Variants in SPANXN2 observed in about 807,000 individuals in gnomAD.
SPANXN2 encodes the protein sperm protein associated with the nucleus on the X chromosome N2.
In SPANXN2, 1 loss-of-function variant was observed where a neutral mutation model predicts 2.0. The observed-to-expected ratio is 0.50, with a 90% confidence interval of 0.18 to 2.36. The LOEUF (loss-of-function observed/expected upper bound fraction) is 2.36. Ranked by LOEUF, SPANXN2 falls within the 30% of genes most tolerant of loss-of-function variation. The pLI is 0.26. For synonymous variants in SPANXN2, 43 were observed against 49.8 expected (o/e 0.86, Z 0.58); for missense variants, 88 against 116.7 (o/e 0.75, Z 1.13).
rs141061006 is a variant in SPANXN2, at chrX:143,712,811, G to A, written c.79-312C>T. Among the ~76,000 whole-genome samples, 513 of 111,670 alleles carry A rather than the reference G, an allele frequency of 4.6e-3. 3 individuals are homozygous for A. The highest frequency in any genetic ancestry group is 7.7e-3 in the Non-Finnish European group (409 of 53,065). On this transcript the variant is annotated intron_variant, in intron 1 of 1. Transcript: ENST00000598475. ...CTGCCTAACCACCTGACCACAGGGC[G>A]GACAAAGGCCCAACTAAAGAAACAT...
chrX:143,720,367 A>G (rs191177772), intron 1 of SPANXN2, among the ~76,000 whole-genome samples: 1,954 of 98,101 alleles, frequency 0.02, 83 homozygotes, highest in African/African-American at 0.07. Flanking sequence ...CTGATCATAA[A>G]AACATCTTAT....
intron 1 of SPANXN2, among the ~76,000 whole-genome samples, chrX:143,719,592 G>A (rs1216494487): frequency 8.9e-6 from 1 of 112,235 alleles, no homozygotes; most frequent in Non-Finnish European, 1.9e-5. Context: ...CACCCCTAGT[G>A]TCTTCTTCCT....
intron 1 of SPANXN2, among the ~76,000 whole-genome samples, chrX:143,714,115 G>A (rs782358193): frequency 1.6e-4 from 17 of 107,036 alleles, no homozygotes; most frequent in South Asian, 8.4e-4. Flanking sequence ...CCTTACTGTC[G>A]CCCTCCATCC....
At chrX:143,712,932 C>T (rs183035662) in intron 1 of SPANXN2, among the ~76,000 whole-genome samples, 2 of 111,799 alleles carry the variant, frequency 1.8e-5, no homozygotes, top group Non-Finnish European at 3.8e-5. Flanking sequence ...AACATCTTAT[C>T]AATATCCTGC....
chrX:143,711,978 T>C lies in SPANXN2; in HGVS notation c.*57A>G. 13 of 1,207,702 alleles carry C rather than the reference T, an allele frequency of 1.1e-5. No homozygotes were observed. In the South Asian group the frequency reaches 1.9e-4, roughly 18 times the overall value. Reference sequence around the variant, plus strand: ...CATCAGCTCCTCAAACTTGATTTTATTGTAATCATCGCCATTGGTAGTGAG... The same window carrying C: ...CATCAGCTCCTCAAACTTGATTTTACTGTAATCATCGCCATTGGTAGTGAG... On this transcript the variant is annotated 3_prime_UTR_variant, in exon 2 of 2. Transcript: ENST00000598475.
chrX:143,717,491 C>A (rs1268654316), intron 1 of SPANXN2, among the ~76,000 whole-genome samples: 2 of 111,373 alleles, frequency 1.8e-5, no homozygotes, highest in East Asian at 5.7e-4. Flanking sequence ...TTTTTCCCAG[C>A]ATACACCCTG....
intron 1 of SPANXN2, among the ~76,000 whole-genome samples, chrX:143,717,590 C>T (rs1479757925): frequency 8.9e-6 from 1 of 112,212 alleles, no homozygotes; most frequent in Non-Finnish European, 1.9e-5. Flanking sequence ...GTGTCTTGCC[C>T]AAGTTTAAAA....
intron 1 of SPANXN2, among the ~76,000 whole-genome samples, chrX:143,718,506 G>A (rs1932308246): frequency 9.0e-6 from 1 of 111,522 alleles, no homozygotes; most frequent in South Asian, 3.8e-4. Context: ...CAGCGCCAAA[G>A]CTAACATCCT....
intron 1 of SPANXN2, among the ~76,000 whole-genome samples, chrX:143,720,355 G>A (rs782766944): frequency 0.02 from 2,041 of 99,992 alleles, 83 homozygotes; most frequent in African/African-American, 0.072. Flanking sequence ...GGACCAAACA[G>A]CCTGATCATA....
intron 1 of SPANXN2, among the ~76,000 whole-genome samples, chrX:143,718,622 GT>G (rs1932310199): frequency 8.9e-6 from 1 of 111,870 alleles, no homozygotes; most frequent in Admixed American, 9.4e-5. Context: ...CAACCTCACT[GT>G]ACTTAACAAG....
At chrX:143,712,028 T>C in exon 2 of SPANXN2, 1 of 1,212,398 alleles carries the variant, frequency 8.2e-7, no homozygotes, top group Non-Finnish European at 1.1e-6. Context: ...GGTTTCTCCA[T>C]GTTTGACTAG....
At chrX:143,716,568 G>T (rs1250310810) in intron 1 of SPANXN2, among the ~76,000 whole-genome samples, 40 of 111,900 alleles carry the variant, frequency 3.6e-4, no homozygotes, top group Non-Finnish European at 5.6e-4. Context: ...CACCAAGCCT[G>T]TTACTTTCTA....
chrX:143,715,926 C>A (rs1932254262), intron 1 of SPANXN2, among the ~76,000 whole-genome samples: 1 of 111,607 alleles, frequency 9.0e-6, no homozygotes, highest in Non-Finnish European at 1.9e-5. Context: ...TCACTATTCC[C>A]TTAAATCTGG....
At chrX:143,717,882 T>TA (rs1932295186) in intron 1 of SPANXN2, among the ~76,000 whole-genome samples, 1 of 111,679 alleles carries the variant, frequency 9.0e-6, no homozygotes, top group East Asian at 2.8e-4. Context: ...CAATAGTAGA[T>TA]ACATTCTCTG....
Position 143,712,837 on chromosome X carries a change from T to C in SPANXN2, c.79-338A>G, listed in dbSNP as rs111298314. 7.0e-3 allele frequency among the ~76,000 whole-genome samples: 775 copies of C among 111,470 alleles called. 8 individuals are homozygous for C. The highest frequency in any genetic ancestry group is 0.024 in the African/African-American group (728 of 30,629). ...GACAAAGGCCCAACTAAAGAAACAT[T>C]CCTATCATATCTTGCTTGGCAAAGT... On this transcript the variant is annotated intron_variant, in intron 1 of 1. Transcript: ENST00000598475.
intron 1 of SPANXN2, among the ~76,000 whole-genome samples, chrX:143,719,587 C>G (rs1556450561): frequency 8.9e-6 from 1 of 112,322 alleles, no homozygotes; most frequent in African/African-American, 3.2e-5. Flanking sequence ...CTGTCCACCC[C>G]TAGTGTCTTC....
Position 143,712,873 on chromosome X carries a change from G to A in SPANXN2, c.79-374C>T, listed in dbSNP as rs73637118. Among the ~76,000 whole-genome samples, 941 of 111,320 alleles carry A rather than the reference G, an allele frequency of 8.5e-3. 11 individuals carry two copies. The highest frequency in any genetic ancestry group is 0.029 in the African/African-American group (897 of 30,574). On this transcript the variant is annotated intron_variant, in intron 1 of 1. Coordinates refer to ENST00000598475, the Ensembl canonical transcript of SPANXN2. ...CTTGCTTGGCAAAGTTCTAAGGAACGCCACAATGATATTCCACTGGAAAAA... is the reference window on the plus strand; with the variant it reads ...CTTGCTTGGCAAAGTTCTAAGGAACACCACAATGATATTCCACTGGAAAAA...
At chrX:143,719,202 C>T (rs1487935799) in intron 1 of SPANXN2, among the ~76,000 whole-genome samples, 2 of 110,959 alleles carry the variant, frequency 1.8e-5, no homozygotes, top group Admixed American at 1.9e-4. Context: ...CTTAACTAAA[C>T]ATGTTACCAG....
intron 1 of SPANXN2, among the ~76,000 whole-genome samples, chrX:143,716,098 A>C (rs1932257906): frequency 9.1e-6 from 1 of 110,427 alleles, no homozygotes; most frequent in Non-Finnish European, 1.9e-5. Flanking sequence ...GACCTAGCTG[A>C]ACTTCCCCTT....
Sources: gnomAD v4.1 joint callset for allele counts (sites outside exome capture counted in the v4.1 genomes callset) on GRCh38, gnomAD v4.1.1 for gene constraint, MANE v1.5 for transcripts, NCBI Gene and HGNC (gene_info 2026-07-23, HGNC 2026-07-21) for gene names.